TPRG1: variants seen among roughly 807,000 people sequenced by gnomAD.
TPRG1 encodes tumor protein p63-regulated gene 1 protein.
A neutral mutation model predicts 29.3 loss-of-function variants in TPRG1; 29 were observed. The ratio of observed to expected loss-of-function variants is 0.99; its 90% CI spans 0.74 to 1.35. The LOEUF (loss-of-function observed/expected upper bound fraction) is 1.35, where lower values mean the gene tolerates loss of function less well. Among genes scored for constraint, TPRG1 ranks in the 40% most tolerant of loss-of-function variants. The pLI, the probability that TPRG1 is intolerant of heterozygous loss-of-function variation, is 0.00. For missense variants in TPRG1, 327 were observed against 335.0 expected (o/e 0.98, Z 0.19); for synonymous variants, 130 against 116.8 (o/e 1.11, Z -0.73).
intron 3 of TPRG1, among the ~76,000 whole-genome samples, chr3:189,023,000 T>A (rs943601889): frequency 3.7e-4 from 56 of 152,322 alleles, no homozygotes; most frequent in African/African-American, 1.2e-3. Context: ...CCAGGTGCCG[T>A]CCGTCACCCC....
intron 3 of TPRG1, chr3:189,023,707 T>G (rs1439666957): frequency 6.6e-6 from 1 of 152,662 alleles, no homozygotes; most frequent in African/African-American, 2.4e-5. Flanking sequence ...TATTTTTGTT[T>G]GTTTGTTGTT....
At chr3:189,234,068 A>T (rs1313092912) in intron 3 of TPRG1, among the ~76,000 whole-genome samples, 1 of 152,068 alleles carries the variant, frequency 6.6e-6, no homozygotes, top group Non-Finnish European at 1.5e-5. Flanking sequence ...TAGTAGAGAC[A>T]AGGTCTCCCT....
intron 3 of TPRG1, among the ~76,000 whole-genome samples, chr3:189,233,367 C>G (rs1738976200): frequency 6.6e-6 from 1 of 152,064 alleles, no homozygotes; most frequent in Admixed American, 6.6e-5. Context: ...ATTTGAGTAA[C>G]TGGGTGTGGG....
At chr3:189,270,289 A>C (rs1465731637) in intron 4 of TPRG1, among the ~76,000 whole-genome samples, 3 of 152,138 alleles carry the variant, frequency 2.0e-5, no homozygotes, top group African/African-American at 7.2e-5. Context: ...ATTAGATCTC[A>C]TCCCGGCATT....
chr3:189,215,386 G>A lies in TPRG1; in HGVS notation c.302+3G>A. Reference sequence around the variant, plus strand: ...CAAGGCTTCTGGCTCTTGACAAAGTGAGTAGTCACAGCTAAGTGAAGGGCC... The same window carrying A: ...CAAGGCTTCTGGCTCTTGACAAAGTAAGTAGTCACAGCTAAGTGAAGGGCC... On this transcript the variant is annotated splice_donor_region_variant and intron_variant, in intron 3 of 5. Transcript: ENST00000345063. The A allele has an allele frequency of 6.2e-7, 1 of 1,610,548 alleles. No individual in the cohort carries two copies. Among genetic ancestry groups the A allele is most frequent in the Non-Finnish European group, 8.5e-7 (1 of 1,178,348 alleles).
At chr3:189,096,967 T>A (rs1718720645), upstream of TPRG1, among the ~76,000 whole-genome samples, 1 of 152,224 alleles carries the variant, frequency 6.6e-6, no homozygotes, top group African/African-American at 2.4e-5. Flanking sequence ...AACTGCATTG[T>A]GGGATCTGGA....
intron 2 of TPRG1, among the ~76,000 whole-genome samples, chr3:189,214,984 G>A (rs1006554996): frequency 1.5e-5 from 2 of 137,246 alleles, no homozygotes; most frequent in Non-Finnish European, 3.2e-5. Context: ...ATTCCTAAAG[G>A]CTTTGAACTT....
At chr3:188,997,866 G>T (rs771166733) in intron 1 of TPRG1, among the ~76,000 whole-genome samples, 5 of 151,954 alleles carry the variant, frequency 3.3e-5, no homozygotes, top group Non-Finnish European at 5.9e-5. Flanking sequence ...CCTCTCCCAA[G>T]ACCCTGATTT....
In TPRG1 at chr3:189,086,571, A is replaced by G. The variant is rs1156627776; in HGVS notation, c.-462-40486A>G. Reference sequence around the variant, plus strand: ...AGATGGAAGTTTGCTCTTGTTGCCTAGGCTGGAGTGCAATGTCGTGATCTC... The same window carrying G: ...AGATGGAAGTTTGCTCTTGTTGCCTGGGCTGGAGTGCAATGTCGTGATCTC... On this transcript the variant is annotated intron_variant, in intron 4 of 10. Coordinates refer to the TPRG1 transcript ENST00000433971. Among the ~76,000 whole-genome samples, 3 of 136,520 alleles carry G rather than the reference A, an allele frequency of 2.2e-5. No individual in the cohort carries two copies. The South Asian group carries it at 6.9e-4, about 32-fold the overall frequency. The allele number at this position is 136,520 out of a possible 152,430, so 89.6% of individuals were successfully genotyped here. A position where few individuals can be genotyped will look rare whatever the true frequency, so the allele number is the denominator to read the frequency against.
intron 4 of TPRG1, among the ~76,000 whole-genome samples, chr3:189,025,766 G>A (rs367827920): frequency 1.3e-5 from 2 of 152,314 alleles, no homozygotes; most frequent in East Asian, 3.9e-4. Context: ...TAGGGTATAA[G>A]AGAATGTTGT....
intron 4 of TPRG1, among the ~76,000 whole-genome samples, chr3:189,064,936 C>T (rs918774230): frequency 3.3e-5 from 5 of 152,094 alleles, no homozygotes; most frequent in African/African-American, 1.2e-4. Context: ...CACCTGTAAT[C>T]CCAGTGCTTT....
chr3:189,075,294 G>T (rs1047307805), intron 4 of TPRG1, among the ~76,000 whole-genome samples: 5 of 151,788 alleles, frequency 3.3e-5, no homozygotes, highest in African/African-American at 1.2e-4. Flanking sequence ...CACCATGCCC[G>T]GCTAATTTTC....
chr3:189,231,310 A>C (rs919832928), intron 3 of TPRG1, among the ~76,000 whole-genome samples: 1 of 151,032 alleles, frequency 6.6e-6, no homozygotes, highest in Non-Finnish European at 1.5e-5. Context: ...ATATGGAATT[A>C]ATGACTTCTC....
At chr3:189,202,039 A>C (rs1422063997) in intron 1 of TPRG1, among the ~76,000 whole-genome samples, 1 of 152,148 alleles carries the variant, frequency 6.6e-6, no homozygotes, top group Non-Finnish European at 1.5e-5. Context: ...TCTGGCAACT[A>C]AGTGTGGCTG....
chr3:189,236,687 TA>T (rs2108930882), intron 3 of TPRG1, among the ~76,000 whole-genome samples: 2 of 152,328 alleles, frequency 1.3e-5, no homozygotes, highest in East Asian at 3.9e-4. Flanking sequence ...GATATAGAAC[TA>T]ATACTTATGA....
chr3:189,074,444 A>C (rs1409101072), intron 4 of TPRG1, among the ~76,000 whole-genome samples: 1 of 151,690 alleles, frequency 6.6e-6, no homozygotes, highest in Non-Finnish European at 1.5e-5. Flanking sequence ...TGACCTCGTG[A>C]TCTGCCCGCG....
intron 1 of TPRG1, among the ~76,000 whole-genome samples, chr3:189,116,667 G>A (rs1721217037): frequency 6.6e-6 from 1 of 152,202 alleles, no homozygotes; most frequent in African/African-American, 2.4e-5. Context: ...GACATGCTAA[G>A]TGAAATAAGC....
chr3:189,203,457 T>C (rs1346860240), intron 1 of TPRG1, among the ~76,000 whole-genome samples: 1 of 152,220 alleles, frequency 6.6e-6, no homozygotes, highest in African/African-American at 2.4e-5. Flanking sequence ...TCTTTACCAA[T>C]GTGAAATTAT....
chr3:189,213,012 A>G (rs1282222990), intron 2 of TPRG1, among the ~76,000 whole-genome samples: 2 of 152,162 alleles, frequency 1.3e-5, no homozygotes, highest in African/African-American at 4.8e-5. Context: ...ATGTGTACAT[A>G]TTATTCCACT....
Sources: allele counts gnomAD v4.1 joint callset (sites outside exome capture counted in the v4.1 genomes callset), GRCh38; gene constraint gnomAD v4.1.1; transcripts MANE v1.5; gene names NCBI Gene and HGNC (gene_info 2026-07-23, HGNC 2026-07-21).